HTR2C: variants seen among roughly 807,000 people sequenced by gnomAD.
HTR2C encodes the protein 5-hydroxytryptamine (serotonin) receptor 2C, G protein-coupled.
In HTR2C, 5 loss-of-function variants were observed where a neutral mutation model predicts 21.0. That is an observed-to-expected ratio of 0.24 (90% CI 0.12 to 0.50). The LOEUF is 0.50. HTR2C is among the 20% of genes least tolerant of loss of function. The pLI is 0.98. For missense variants in HTR2C, 271 were observed against 371.2 expected, an observed-to-expected ratio of 0.73 and a Z score of 2.22; for synonymous variants, 150 against 145.3, an observed-to-expected ratio of 1.03 and a Z score of -0.23.
intron 2 of HTR2C, among the ~76,000 whole-genome samples, chrX:114,722,588 G>A (rs1363879286): frequency 9.2e-6 from 1 of 108,492 alleles, no homozygotes; most frequent in Non-Finnish European, 1.9e-5. Context: ...TCCCTGTCTT[G>A]TGCCAGTTTT....
intron 2 of HTR2C, among the ~76,000 whole-genome samples, chrX:114,719,660 AT>A (rs1417951348): frequency 9.0e-6 from 1 of 111,660 alleles, no homozygotes; most frequent in East Asian, 2.8e-4. Flanking sequence ...TATACATAAT[AT>A]TTTTTGTGAT....
chrX:114,825,584 T>C (rs781823383), intron 4 of HTR2C, among the ~76,000 whole-genome samples: 3 of 111,600 alleles, frequency 2.7e-5, no homozygotes, highest in Non-Finnish European at 3.8e-5. Context: ...GAATGTGTAC[T>C]TTCCTGTTGT....
intron 5 of HTR2C, among the ~76,000 whole-genome samples, chrX:114,853,944 A>C (rs1046003014): frequency 1.8e-5 from 2 of 111,854 alleles, no homozygotes; most frequent in Non-Finnish European, 3.8e-5. Flanking sequence ...CTGAATTTTA[A>C]AAATGCTTTC....
intron 5 of HTR2C, among the ~76,000 whole-genome samples, chrX:114,905,433 A>C (rs1556486362): frequency 9.0e-6 from 1 of 111,150 alleles, no homozygotes; most frequent in African/African-American, 3.3e-5. Flanking sequence ...CCAGCCAGAC[A>C]CTCTATACCT....
Position 114,731,443 on chromosome X carries a change from T to C in HTR2C, c.185T>C (p.Ile62Thr), listed in dbSNP as rs782220418. The C allele has an allele frequency of 3.3e-6, 4 of 1,208,359 alleles. No individual in the cohort carries two copies. Among genetic ancestry groups the C allele is most frequent in the Non-Finnish European group, 4.5e-6 (4 of 894,576 alleles). The change falls in exon 4 of 6, where the codon ATC becomes ACC. Residue 62 changes from isoleucine to threonine, a missense_variant. Ile to Thr is a moderately conservative substitution (Grantham distance 89). Around this residue, in one of 5 missense-constraint regions of HTR2C, gnomAD observed 57 missense variants for 64.0 expected, o/e 0.89. Transcript: ENST00000276198. ...AACTGGCCAGCACTTTCAATCGTCA[T>C]CATAATAATCATGACAATAGGTGGC... Reference protein sequence around the residue: ...VQNWPALSIVIIIIMTIGGNI... With the variant: ...VQNWPALSIVTIIIMTIGGNI...
intron 2 of HTR2C, among the ~76,000 whole-genome samples, chrX:114,722,421 C>T (rs1556420898): frequency 9.0e-6 from 1 of 110,870 alleles, no homozygotes; most frequent in Non-Finnish European, 1.9e-5. Context: ...GGGGCTGAGA[C>T]AATGGGGTTT....
At chrX:114,850,454 T>G in intron 5 of HTR2C, among the ~76,000 whole-genome samples, 1 of 110,808 alleles carries the variant, frequency 9.0e-6, no homozygotes, top group South Asian at 3.8e-4. Flanking sequence ...ACCTAAGAAC[T>G]CTGTGGCAGA....
At chrX:114,757,965 A>T (rs2069829922) in intron 4 of HTR2C, among the ~76,000 whole-genome samples, 1 of 111,166 alleles carries the variant, frequency 9.0e-6, no homozygotes, top group Admixed American at 9.7e-5. Context: ...ATGAACACAC[A>T]TACACACAAA....
chrX:114,900,450 T>A (rs111615368), intron 5 of HTR2C: 211 of 182,233 alleles, frequency 1.2e-3, no homozygotes, highest in African/African-American at 6.4e-3. Flanking sequence ...AGATATGATG[T>A]CTATCTCATA....
At chrX:114,673,472 G>A (rs1931451966) in intron 2 of HTR2C, among the ~76,000 whole-genome samples, 1 of 110,752 alleles carries the variant, frequency 9.0e-6, no homozygotes, top group Non-Finnish European at 1.9e-5. Flanking sequence ...CTCTTCTCGG[G>A]ATCTTCATCT....
At chrX:114,615,032 G>T (rs908005232) in intron 2 of HTR2C, among the ~76,000 whole-genome samples, 2 of 111,696 alleles carry the variant, frequency 1.8e-5, no homozygotes, top group East Asian at 5.6e-4. Context: ...AATTTTAACA[G>T]AAATTTTTAG....
intron 4 of HTR2C, among the ~76,000 whole-genome samples, chrX:114,844,936 A>G (rs1334690326): frequency 1.8e-5 from 2 of 111,935 alleles, no homozygotes; most frequent in Non-Finnish European, 3.8e-5. Context: ...TCAATACTCC[A>G]TTTTCAATAA....
Position 114,834,051 on chromosome X carries a change from G to C in HTR2C, c.350-13952G>C, listed in dbSNP as rs782462869. ...AATCCTGAGTTCTAGTTTGATTGCA[G>C]TGTGGTCTGAGAGATAGTTTATTAT... On this transcript the variant is annotated intron_variant, in intron 4 of 5. Coordinates refer to ENST00000276198, the MANE Select transcript of HTR2C (RefSeq NM_000868.4). Among the ~76,000 whole-genome samples the C allele has an allele frequency of 2.0e-4, 22 of 111,060 alleles. No homozygotes were observed. In the East Asian group the frequency reaches 3.4e-3, roughly 17 times the overall value.
intron 1 of HTR2C, among the ~76,000 whole-genome samples, chrX:114,613,339 G>A (rs1556399139): frequency 8.9e-6 from 1 of 111,809 alleles, no homozygotes; most frequent in Non-Finnish European, 1.9e-5. Context: ...ACTTCCTGAT[G>A]TTGCCATGGC....
At chrX:114,688,055 T>C (rs782372358) in intron 2 of HTR2C, among the ~76,000 whole-genome samples, 1 of 111,088 alleles carries the variant, frequency 9.0e-6, no homozygotes, top group South Asian at 3.8e-4. Context: ...GCACGGTGGC[T>C]CATGCCTATA....
intron 2 of HTR2C, among the ~76,000 whole-genome samples, chrX:114,686,695 A>T (rs781930292): frequency 9.0e-5 from 10 of 110,799 alleles, no homozygotes; most frequent in Admixed American, 7.7e-4. Context: ...TATTTAAAAA[A>T]TTTTTTTAAA....
chrX:114,821,878 CTTT>C (rs782532204), intron 4 of HTR2C, among the ~76,000 whole-genome samples: 4 of 93,955 alleles, frequency 4.3e-5, no homozygotes, highest in African/African-American at 4.0e-5. Flanking sequence ...ACTAAATATC[CTTT>C]TTTTTTTTTT....
intron 2 of HTR2C, among the ~76,000 whole-genome samples, chrX:114,718,220 G>A (rs1158088607): frequency 1.0e-5 from 1 of 95,744 alleles, no homozygotes; most frequent in Non-Finnish European, 2.1e-5. Context: ...CAGAGATGGC[G>A]TCTTGCTCTG....
chrX:114,668,001 CCTGTA>C (rs1931239415), intron 2 of HTR2C, among the ~76,000 whole-genome samples: 1 of 111,658 alleles, frequency 9.0e-6, no homozygotes, highest in Non-Finnish European at 1.9e-5. Flanking sequence ...AAAATTATCA[CCTGTA>C]TCTGCCCATG....
Sources: allele counts gnomAD v4.1 joint callset (sites outside exome capture counted in the v4.1 genomes callset), GRCh38; gene constraint gnomAD v4.1.1; regional missense constraint gnomAD v4.1.1; transcripts MANE v1.5; gene names NCBI Gene and HGNC (gene_info 2026-07-23, HGNC 2026-07-21).